Variants in JPH2 observed in about 807,000 individuals in gnomAD.
The protein encoded by JPH2 is junctophilin 2.
Under a neutral mutation model 55.9 loss-of-function variants are expected in JPH2, and 38 were observed. That is an observed-to-expected ratio of 0.68 (90% confidence interval 0.52 to 0.89). The LOEUF (loss-of-function observed/expected upper bound fraction) is 0.89. Among genes scored for constraint, JPH2 ranks in the 40% least tolerant of loss-of-function variants. The pLI is 0.00. For missense variants in JPH2, 964 were observed against 1,037.6 expected (o/e 0.93, Z 0.97); for synonymous variants, 480 against 472.4 (o/e 1.02, Z -0.21).
At position 44,110,701 on chromosome 20, in the gene JPH2, G is replaced by A. The variant is rs1434206978; in HGVS notation, c.*2817C>T. On this transcript the variant is annotated 3_prime_UTR_variant, in exon 6 of 6. Coordinates refer to ENST00000372980, the MANE Select transcript of JPH2 (RefSeq NM_020433.5). Reference sequence around the variant, plus strand: ...CTGCCTCAGCCTCCTCTAACGTGCTGGAATTATAGGTGTGAGCCACCATGC... The same window carrying A: ...CTGCCTCAGCCTCCTCTAACGTGCTAGAATTATAGGTGTGAGCCACCATGC... Among the ~76,000 whole-genome samples, 1 of 152,150 alleles carries A rather than the reference G, an allele frequency of 6.6e-6. No individual in the cohort carries two copies. Among genetic ancestry groups the A allele is most frequent in the African/African-American group, 2.4e-5 (1 of 41,424 alleles).
intron 1 of JPH2, among the ~76,000 whole-genome samples, chr20:44,167,548 T>C (rs912815043): frequency 1.3e-5 from 2 of 152,122 alleles, no homozygotes; most frequent in Admixed American, 1.3e-4. Flanking sequence ...TTGGTGTACA[T>C]GTAAAATGCT....
chr20:44,115,554 T>G, intron 4 of JPH2, 111 bp downstream of exon 4: 1 of 1,402,668 alleles, frequency 7.1e-7, no homozygotes, highest in South Asian at 1.2e-5. Flanking sequence ...CTATCCTGCT[T>G]CGGTCTCTCG....
chr20:44,178,842 T>TA (rs1340251598), intron 1 of JPH2, among the ~76,000 whole-genome samples: 2 of 152,088 alleles, frequency 1.3e-5, no homozygotes, highest in African/African-American at 4.8e-5. Context: ...AATAAATAAA[T>TA]AAATATGGAA....
intron 2 of JPH2, among the ~76,000 whole-genome samples, chr20:44,126,331 C>T (rs2072277191): frequency 6.6e-6 from 1 of 152,114 alleles, no homozygotes. Flanking sequence ...CCAGGAATCC[C>T]ATGGTAGGTT....
intron 2 of JPH2, among the ~76,000 whole-genome samples, chr20:44,132,359 CACACACACACA>C (rs2145851434): frequency 2.4e-5 from 2 of 82,312 alleles, no homozygotes; most frequent in South Asian, 1.1e-3. Flanking sequence ...CAGACAGACA[CACACACACACA>C]CACACACACA....
intron 2 of JPH2, among the ~76,000 whole-genome samples, chr20:44,119,646 G>A (rs2072220228): frequency 1.3e-5 from 2 of 152,168 alleles, no homozygotes; most frequent in South Asian, 4.1e-4. Flanking sequence ...GGCCAAGGCA[G>A]GCGGATCACG....
At chr20:44,156,496 T>C (rs1288938846) in intron 2 of JPH2, among the ~76,000 whole-genome samples, 1 of 152,194 alleles carries the variant, frequency 6.6e-6, no homozygotes, top group Non-Finnish European at 1.5e-5. Context: ...ACAGAATACC[T>C]GGGACCGGGT....
Position 44,116,183 on chromosome 20 carries a change from T to C in JPH2, c.1492A>G (p.Arg498Gly). Residue 498 changes from arginine (R) to glycine (G), a missense_variant, in exon 4 of 6, where the codon AGG (arginine) becomes GGG (glycine). Arg to Gly is a moderately radical substitution (Grantham distance 125, BLOSUM62 -2). Coordinates refer to ENST00000372980, the MANE Select transcript of JPH2 (RefSeq NM_020433.5). ...AGTPPQPKRP[R>G]PGVSKDGLLS... The stretch of plus-strand genomic sequence containing the variant: ...AGGCCGTCCTTGGACACCCCGGGCC[T>C]GGGCCGCTTGGGCTGCGGGGGCGTC... The C allele has an allele frequency of 7.2e-7, 1 of 1,391,990 alleles. No individual in the cohort carries two copies. The highest frequency in any genetic ancestry group is 9.2e-7 in the Non-Finnish European group (1 of 1,084,952). The allele number at this position is 1,391,990 out of a possible 1,614,324, so 86.2% of individuals were successfully genotyped here.
At chr20:44,126,030 G>GT (rs1240528799) in intron 2 of JPH2, among the ~76,000 whole-genome samples, 1 of 151,586 alleles carries the variant, frequency 6.6e-6, no homozygotes, top group African/African-American at 2.4e-5. Flanking sequence ...GAAGGCTGAG[G>GT]TGGGAGGATT....
intron 2 of JPH2, among the ~76,000 whole-genome samples, chr20:44,155,853 T>C (rs948979438): frequency 2.5e-4 from 38 of 152,058 alleles, no homozygotes; most frequent in African/African-American, 9.2e-4. Context: ...CTGGCCAATA[T>C]GGCAAAACCC....
chr20:44,116,138 T>C lies in JPH2; in HGVS notation c.1537A>G (p.Asn513Asp). ...KDGLLSPGAW[N>D]GEPSGEGSRS... ...CTGCCCTCACCGCTGGGCTCGCCGT[T>C]CCAGGCGCCTGGGCTCAGCAGGCCG... is the stretch of plus-strand genomic sequence containing the variant. Residue 513 changes from asparagine (N) to aspartate (D), a missense_variant, in exon 4 of 6, where the codon AAC (asparagine) becomes GAC (aspartate). Asn to Asp is a conservative substitution (Grantham distance 23). Transcript: ENST00000372980. 6.9e-7 allele frequency: 1 copy of C among 1,438,866 alleles called. No homozygotes were observed. The highest frequency in any genetic ancestry group is 9.0e-7 in the Non-Finnish European group (1 of 1,106,154). 89.1% of individuals were successfully genotyped at this position (1,438,866 alleles called of 1,614,324 possible). A position where few individuals can be genotyped will look rare whatever the true frequency, so the allele number is the denominator to read the frequency against.
intron 4 of JPH2, 149 bp from the exon 5 acceptor site, chr20:44,115,025 C>A: frequency 1.4e-6 from 1 of 706,198 alleles, no homozygotes; most frequent in Non-Finnish European, 2.6e-6. Flanking sequence ...ATCCTGTCAC[C>A]TGGATGGCAG....
chr20:44,125,242 T>C (rs6130537), intron 2 of JPH2, among the ~76,000 whole-genome samples: 105,865 of 152,036 alleles, frequency 0.7, 36,947 homozygotes, highest in Admixed American at 0.77. Context: ...AGAGTAGTTG[T>C]CATAGAGACC....
chr20:44,173,935 A>C (rs929957172), intron 1 of JPH2, among the ~76,000 whole-genome samples: 2 of 152,102 alleles, frequency 1.3e-5, no homozygotes, highest in Non-Finnish European at 2.9e-5. Flanking sequence ...CAAACAAACA[A>C]TTCATCAGAC....
intron 2 of JPH2, among the ~76,000 whole-genome samples, chr20:44,152,842 CT>C (rs2145873477): frequency 6.6e-6 from 1 of 152,314 alleles, no homozygotes; most frequent in Admixed American, 6.5e-5. Context: ...GCCAGTTTCT[CT>C]TTTAAACAAA....
At position 44,160,313 on chromosome 20, in the gene JPH2, C is replaced by T; in HGVS notation, c.474G>A (p.Pro158=). The T allele has an allele frequency of 1.3e-6, 2 of 1,558,442 alleles. No homozygotes were observed. Among genetic ancestry groups the T allele is most frequent in the African/African-American group, 1.4e-5 (1 of 73,618 alleles). The change falls in exon 2 of 6, where the codon CCG becomes CCA. Residue 158 remains proline (P), a synonymous_variant. Transcript: ENST00000372980. This position sits in a 1 kb window ranked among gnomAD's most constrained non-coding sequence, Gnocchi z 4.9. Reference sequence around the variant, plus strand: ...GCAGGGACGACAGCGACGTGCGCAGCGGCGAGCGCACCACCACGGCCATCC... The same window carrying T: ...GCAGGGACGACAGCGACGTGCGCAGTGGCGAGCGCACCACCACGGCCATCC... ...PYGMAVVVRS[P]LRTSLSSLRS... is the part of the protein sequence containing the mutation.
chr20:44,156,035 C>CA (rs753733872), intron 2 of JPH2, among the ~76,000 whole-genome samples: 2,731 of 124,138 alleles, frequency 0.022, 37 homozygotes, highest in African/African-American at 0.034. Flanking sequence ...GACCCTGCCT[C>CA]AAAAAAAAAA....
chr20:44,117,149 C>A (rs1178044944), intron 3 of JPH2, among the ~76,000 whole-genome samples: 1 of 152,142 alleles, frequency 6.6e-6, no homozygotes, highest in African/African-American at 2.4e-5. Context: ...CATGGTGGCG[C>A]GTGCCTGTAA....
At chr20:44,185,696 T>TGGATGGAC (rs1408730779) in intron 1 of JPH2, among the ~76,000 whole-genome samples, 1 of 149,556 alleles carries the variant, frequency 6.7e-6, no homozygotes, top group Non-Finnish European at 1.5e-5. Context: ...GATGGATGGA[T>TGGATGGAC]GGATGGATGG....
Sources: allele counts gnomAD v4.1 joint callset (sites outside exome capture counted in the v4.1 genomes callset), GRCh38; gene constraint gnomAD v4.1.1; non-coding constraint Gnocchi (gnomAD v3.1); transcripts MANE v1.5; gene names NCBI Gene and HGNC (gene_info 2026-07-23, HGNC 2026-07-21).